ASH1L: variants seen among roughly 807,000 people sequenced by gnomAD.
ASH1L encodes histone-lysine N-methyltransferase ASH1L.
Under a neutral mutation model 269.0 loss-of-function variants are expected in ASH1L, and 23 were observed. The ratio of observed to expected loss-of-function variants is 0.09; its 90% CI spans 0.06 to 0.12. The LOEUF (loss-of-function observed/expected upper bound fraction) is 0.12. Among genes scored for constraint, ASH1L ranks in the 10% least tolerant of loss-of-function variants. The pLI, the probability that ASH1L is intolerant of heterozygous loss-of-function variation, is 1.00. For missense variants in ASH1L, 2,912 were observed against 3,567.8 expected, an observed-to-expected ratio of 0.82 and a Z score of 4.68; for synonymous variants, 1,187 against 1,253.5, an observed-to-expected ratio of 0.95 and a Z score of 1.12.
chr1:155,528,970 C>T (rs1669462424), intron 1 of ASH1L, among the ~76,000 whole-genome samples: 1 of 152,114 alleles, frequency 6.6e-6, no homozygotes, highest in Admixed American at 6.6e-5. Flanking sequence ...TCTGTTCCTG[C>T]ACTAGTTTGC....
chr1:155,552,327 G>A (rs949032806), intron 1 of ASH1L, among the ~76,000 whole-genome samples: 7 of 152,136 alleles, frequency 4.6e-5, no homozygotes, highest in Admixed American at 1.3e-4. Context: ...TTAGCCGAGC[G>A]TGGTGGCGCA....
chr1:155,521,368 T>C lies in ASH1L; in HGVS notation c.152A>G (p.Lys51Arg), dbSNP rs766785066. The change falls in exon 2 of 28, where the codon AAA becomes AGA. Residue 51 changes from lysine to arginine, a missense_variant. Transcript: ENST00000392403. ...KNTKEEEDLR[K>R]RNRERNIEAG... ...TTCGATGTTTCTTTCTCGATTCCGTTTGCGAAGGTCCTCTTCCTCCTTTGT... is the reference window on the plus strand; with the variant it reads ...TTCGATGTTTCTTTCTCGATTCCGTCTGCGAAGGTCCTCTTCCTCCTTTGT... 17 of 1,614,220 alleles carry C rather than the reference T, an allele frequency of 1.1e-5. No individual in the cohort carries two copies. Among genetic ancestry groups the C allele is most frequent in the Non-Finnish European group, 1.4e-5 (17 of 1,180,042 alleles).
At chr1:155,505,455 G>C (rs1277483679) in intron 2 of ASH1L, among the ~76,000 whole-genome samples, 2 of 152,058 alleles carry the variant, frequency 1.3e-5, no homozygotes, top group African/African-American at 2.4e-5. Context: ...AAAGAATGTT[G>C]TGACTCTGCA....
chr1:155,544,960 G>A (rs1046245901), intron 1 of ASH1L, among the ~76,000 whole-genome samples: 1 of 151,188 alleles, frequency 6.6e-6, no homozygotes, highest in Non-Finnish European at 1.5e-5. Context: ...ATCACCTGAG[G>A]TCGGGAGTTC....
Position 155,346,380 on chromosome 1 carries a change from T to C in ASH1L, c.7890+3A>G. ...TCAGAGTTTTATCAGAGGTTCAGCT[T>C]ACCCTGTCCACAGGCCTTGGGTCAC... is the stretch of plus-strand genomic sequence containing the variant. On this transcript the variant is annotated splice_donor_region_variant and intron_variant, in intron 21 of 27. Coordinates refer to ENST00000392403, the MANE Select transcript of ASH1L (RefSeq NM_018489.3). 1.9e-6 allele frequency: 3 copies of C among 1,613,768 alleles called. No individual in the cohort carries two copies. The highest frequency in any genetic ancestry group is 1.7e-6 in the Non-Finnish European group (2 of 1,179,712).
At chr1:155,529,978 A>G (rs752425090) in intron 1 of ASH1L, among the ~76,000 whole-genome samples, 4 of 151,870 alleles carry the variant, frequency 2.6e-5, no homozygotes, top group Admixed American at 2.0e-4. Flanking sequence ...AAAAATAAAA[A>G]AAATAAAAAA....
chr1:155,392,834 TTCC>T lies in ASH1L; in HGVS notation c.6103+2622_6103+2624del, dbSNP rs565822153. 4.4e-3 allele frequency among the ~76,000 whole-genome samples: 669 copies of T among 151,998 alleles called. 6 individuals carry two copies. The highest frequency in any genetic ancestry group is 0.041 in the South Asian group (196 of 4,798). ...TACTCTTTCAATACCAAAAGTAGAA[TTCC>T]TCGTCTTTTTTTTTTTTTGAGATGG... On this transcript the variant is annotated intron_variant, in intron 7 of 27. Coordinates refer to ENST00000392403, the MANE Select transcript of ASH1L (RefSeq NM_018489.3).
At chr1:155,538,573 A>G (rs556916730) in intron 1 of ASH1L, among the ~76,000 whole-genome samples, 1 of 138,694 alleles carries the variant, frequency 7.2e-6, no homozygotes, top group South Asian at 2.4e-4. Flanking sequence ...TGAACTCCTG[A>G]CCTCGTGATC....
upstream of ASH1L, chr1:155,562,836 T>TCCCCCCCCCTCCCCCCC: frequency 2.5e-6 from 1 of 401,124 alleles, no homozygotes. Context: ...TCTTCTCTCC[T>TCCCCCCCCCTCCCCCCC]CCCCCCCCTT....
intron 5 of ASH1L, chr1:155,433,854 C>A: frequency 6.2e-7 from 1 of 1,606,300 alleles, no homozygotes; most frequent in Non-Finnish European, 8.5e-7. Context: ...AAAGCAGAAA[C>A]CCTCTTGCAG....
chr1:155,337,379 G>T lies in ASH1L; in HGVS notation c.*281C>A, dbSNP rs964113735. The T allele has an allele frequency of 2.6e-5, 7 of 267,996 alleles. No homozygotes were observed. In the East Asian group the frequency reaches 6.1e-4, roughly 23 times the overall value. The allele number at this position is 267,996 out of a possible 1,614,324, so 16.6% of individuals were successfully genotyped here. On this transcript the variant is annotated 3_prime_UTR_variant, in exon 28 of 28. Transcript: ENST00000392403. ...GGCAAATGCTATAAAGTACCAGTAG[G>T]TTCTGGTCATCAATGTGGTCCTCCC...
At chr1:155,510,178 G>A (rs1571020170) in intron 2 of ASH1L, among the ~76,000 whole-genome samples, 2 of 152,086 alleles carry the variant, frequency 1.3e-5, no homozygotes, top group South Asian at 2.1e-4. Flanking sequence ...CACTTTGAGA[G>A]GCTGAGGCGG....
intron 2 of ASH1L, among the ~76,000 whole-genome samples, chr1:155,497,461 G>A (rs1372396986): frequency 6.6e-6 from 1 of 152,158 alleles, no homozygotes; most frequent in Non-Finnish European, 1.5e-5. Context: ...CGATAAGGAT[G>A]ACAACCTTAT....
intron 3 of ASH1L, among the ~76,000 whole-genome samples, chr1:155,466,080 C>T (rs574392718): frequency 3.3e-5 from 5 of 152,274 alleles, no homozygotes; most frequent in East Asian, 1.9e-4. Flanking sequence ...TTTGGCCGGG[C>T]GCTGTGGCTC....
At chr1:155,346,143 A>T in intron 21 of ASH1L, 1 of 1,401,334 alleles carries the variant, frequency 7.1e-7, no homozygotes, top group Non-Finnish European at 9.4e-7. Context: ...CAAAAACCTT[A>T]GTTTTATATA....
intron 10 of ASH1L, among the ~76,000 whole-genome samples, chr1:155,376,130 T>G (rs1371793250): frequency 1.3e-5 from 2 of 152,066 alleles, no homozygotes; most frequent in Non-Finnish European, 2.9e-5. Flanking sequence ...ACTGAGCTTG[T>G]GGACCACACT....
At position 155,562,440 on chromosome 1, in the gene ASH1L, G is replaced by A. The variant is rs1186434035; in HGVS notation, c.-387C>T. On this transcript the variant is annotated 5_prime_UTR_variant, in exon 1 of 28. Coordinates refer to ENST00000392403, the MANE Select transcript of ASH1L (RefSeq NM_018489.3). ...TGGCGGCGGGAGCGGCGGCGGCGGC[G>A]GCGGCAGCAGCAGAGTGGCGGCGGT... 2.7e-6 allele frequency: 4 copies of A among 1,468,286 alleles called. No homozygotes were observed. Among genetic ancestry groups the A allele is most frequent in the Non-Finnish European group, 2.8e-6 (3 of 1,083,506 alleles). The allele number at this position is 1,468,286 out of a possible 1,614,324, so 91.0% of individuals were successfully genotyped here.
chr1:155,358,738 G>C (rs1351850362), intron 13 of ASH1L: 2 of 151,340 alleles, frequency 1.3e-5, no homozygotes, highest in African/African-American at 4.9e-5. Flanking sequence ...TCAGTAATCT[G>C]TTTGTCATCC....
intron 4 of ASH1L, among the ~76,000 whole-genome samples, chr1:155,439,966 T>G (rs1662414961): frequency 6.6e-6 from 1 of 152,004 alleles, no homozygotes. Flanking sequence ...ACTTTTTTTT[T>G]TATTTTATCA....
Sources: gnomAD v4.1 joint callset for allele counts (sites outside exome capture counted in the v4.1 genomes callset) on GRCh38, gnomAD v4.1.1 for gene constraint, MANE v1.5 for transcripts, NCBI Gene and HGNC (gene_info 2026-07-23, HGNC 2026-07-21) for gene names.